TNPO3: variants seen among roughly 807,000 people sequenced by gnomAD.
TNPO3 encodes transportin-3.
TNPO3 carries 65 observed loss-of-function variants against 122.8 expected under a neutral mutation model. The observed-to-expected ratio is 0.53, with a 90% confidence interval of 0.43 to 0.65. The LOEUF is 0.65. Among genes scored for constraint, TNPO3 ranks in the 30% least tolerant of loss-of-function variants. The pLI is 0.00. For missense variants in TNPO3, 850 were observed against 1,136.7 expected (o/e 0.75, Z 3.63); for synonymous variants, 372 against 411.2 (o/e 0.90, Z 1.15).
intron 1 of TNPO3, among the ~76,000 whole-genome samples, chr7:129,035,613 C>CG (rs1381151341): frequency 2.0e-5 from 3 of 151,008 alleles, no homozygotes; most frequent in South Asian, 2.1e-4. Flanking sequence ...GAGACCACGT[C>CG]GGGGGGAAAA....
intron 7 of TNPO3, among the ~76,000 whole-genome samples, chr7:128,998,822 C>A (rs566654241): frequency 2.7e-3 from 410 of 152,184 alleles, no homozygotes; most frequent in African/African-American, 9.2e-3. Flanking sequence ...GAGGTATAAA[C>A]CACTGTGCCC....
rs781272417 is a variant in TNPO3 at position 128,982,266 on chromosome 7, C to T, written c.1841G>A (p.Arg614His). The change falls in exon 14 of 23, where the codon CGC becomes CAC. Residue 614 changes from arginine to histidine, a missense_variant. Physicochemically the swap from Arg to His is conservative, Grantham distance 29 (BLOSUM62 0). Transcript: ENST00000265388. Reference sequence around the variant, plus strand: ...TTCTTACCTAAATATCACTGCAAGGCGATCTAAGAACACTGTGGGATCTGA... The same window carrying T: ...TTCTTACCTAAATATCACTGCAAGGTGATCTAAGAACACTGTGGGATCTGA... ...ISSDPTVFLD[R>H]LAVIFRHTNP... 15 of 1,612,678 alleles carry T rather than the reference C, an allele frequency of 9.3e-6. No individual in the cohort carries two copies. The highest frequency in any genetic ancestry group is 1.3e-5 in the Non-Finnish European group (15 of 1,179,190).
intron 10 of TNPO3, 74 bp from the exon 11 acceptor site, chr7:128,990,174 GAC>G: frequency 1.3e-6 from 2 of 1,484,256 alleles, no homozygotes; most frequent in East Asian, 2.3e-5. Flanking sequence ...AGGCTGTGAC[GAC>G]ACACAGCATT....
chr7:128,976,896 C>T (rs1026618125), intron 16 of TNPO3, among the ~76,000 whole-genome samples: 1 of 152,194 alleles, frequency 6.6e-6, no homozygotes, highest in Non-Finnish European at 1.5e-5. Context: ...ATATGCTCTA[C>T]TAAGGAATGA....
At chr7:128,991,006 A>T (rs77328378) in intron 10 of TNPO3, among the ~76,000 whole-genome samples, 1,533 of 152,322 alleles carry the variant, frequency 0.01, 20 homozygotes, top group African/African-American at 0.035. Flanking sequence ...CTCATTTATG[A>T]CTTATGTTTC....
At chr7:129,014,122 A>C (rs955677374) in intron 4 of TNPO3, among the ~76,000 whole-genome samples, 2 of 152,208 alleles carry the variant, frequency 1.3e-5, no homozygotes, top group Admixed American at 1.3e-4. Context: ...GAGAAGATTT[A>C]GAATGTTCCC....
At chr7:128,975,078 G>A (rs1798921210) in intron 17 of TNPO3, 116 bp from the exon 18 acceptor site, 3 of 749,530 alleles carry the variant, frequency 4.0e-6, no homozygotes, top group South Asian at 1.8e-5. Context: ...AAGCACAGCT[G>A]GGAAAAGAAA....
rs1806320347 is a variant in TNPO3 at position 129,034,414 on chromosome 7, G to A, written c.121-16257C>T. ...GGTGTGGGCAGGAACACTGAGGTGG[G>A]AGTACTGCTTGAGCCCAGGATGCAG... On this transcript the variant is annotated intron_variant, in intron 1 of 22. Coordinates refer to ENST00000265388, the MANE Select transcript of TNPO3 (RefSeq NM_012470.4). 3.3e-5 allele frequency among the ~76,000 whole-genome samples: 5 copies of A among 152,052 alleles called. 1 individual carries two copies. Among genetic ancestry groups the A allele is most frequent in the Admixed American group, 2.6e-4 (4 of 15,272 alleles).
intron 14 of TNPO3, among the ~76,000 whole-genome samples, 183 bp downstream of exon 14, chr7:128,982,065 A>G (rs1330537969): frequency 6.6e-6 from 1 of 152,200 alleles, no homozygotes; most frequent in African/African-American, 2.4e-5. Flanking sequence ...ACAAAGACCT[A>G]CCAGGAATGA....
chr7:128,985,165 TA>T (rs907085360), intron 12 of TNPO3, among the ~76,000 whole-genome samples: 3 of 152,172 alleles, frequency 2.0e-5, no homozygotes, highest in African/African-American at 4.8e-5. Context: ...AAATTTGAAT[TA>T]AAAAAACAGA....
intron 8 of TNPO3, among the ~76,000 whole-genome samples, chr7:128,995,877 T>C (rs950526858): frequency 6.6e-6 from 1 of 152,230 alleles, no homozygotes; most frequent in Non-Finnish European, 1.5e-5. Flanking sequence ...TTTTGTATTT[T>C]TAGTAGAGAC....
intron 1 of TNPO3, 53 bp downstream of exon 1, chr7:129,054,598 G>A: frequency 6.2e-7 from 1 of 1,606,454 alleles, no homozygotes; most frequent in Non-Finnish European, 8.5e-7. Context: ...CGGAGCCTAG[G>A]TTCCACCCCG....
rs1300624344 is a variant in TNPO3, at chr7:129,028,431, C to T, written c.121-10274G>A. ...AAGAAAAAAGGTCTCAAATCAACAACCTAATTTTATGCCTTAAGGAGCCAT... is the reference window on the plus strand; with the variant it reads ...AAGAAAAAAGGTCTCAAATCAACAATCTAATTTTATGCCTTAAGGAGCCAT... On this transcript the variant is annotated intron_variant, in intron 1 of 22. Coordinates refer to ENST00000265388, the MANE Select transcript of TNPO3 (RefSeq NM_012470.4). 2.6e-5 allele frequency among the ~76,000 whole-genome samples: 4 copies of T among 151,914 alleles called. No individual in the cohort carries two copies. The East Asian group carries it at 7.7e-4, about 29-fold the overall frequency.
intron 1 of TNPO3, among the ~76,000 whole-genome samples, chr7:129,049,165 TAA>T (rs1198130458): frequency 6.6e-6 from 1 of 152,072 alleles, no homozygotes; most frequent in African/African-American, 2.4e-5. Context: ...GAGAAGAAAG[TAA>T]AGTTGGGCAA....
chr7:129,020,421 T>C (rs775658716), intron 1 of TNPO3, among the ~76,000 whole-genome samples: 47 of 152,272 alleles, frequency 3.1e-4, no homozygotes, highest in Non-Finnish European at 6.0e-4. Context: ...AGAATATCTT[T>C]ACTTTGCTCA....
intron 1 of TNPO3, among the ~76,000 whole-genome samples, chr7:129,054,358 A>C (rs913875186): frequency 1.3e-5 from 2 of 152,206 alleles, no homozygotes; most frequent in Non-Finnish European, 2.9e-5. Context: ...CGGCCCAAGA[A>C]GCAACGGCAA....
intron 18 of TNPO3, among the ~76,000 whole-genome samples, chr7:128,974,391 A>G (rs1160942134): frequency 6.6e-6 from 1 of 150,668 alleles, no homozygotes; most frequent in Non-Finnish European, 1.5e-5. Flanking sequence ...TCATATTATC[A>G]GTGCTACTGA....
At chr7:128,997,668 C>G in intron 7 of TNPO3, 133 bp from the exon 8 acceptor site, 1 of 762,276 alleles carries the variant, frequency 1.3e-6, no homozygotes, top group Non-Finnish European at 2.0e-6. Flanking sequence ...TAAGAAGTCA[C>G]CTTTTCTCTA....
chr7:128,962,526 CA>C (rs1312375090), intron 21 of TNPO3, among the ~76,000 whole-genome samples: 5 of 152,264 alleles, frequency 3.3e-5, no homozygotes, highest in African/African-American at 1.2e-4. Context: ...ACCTTAAAAT[CA>C]AAAGGGAGAC....
Sources: allele counts gnomAD v4.1 joint callset (sites outside exome capture counted in the v4.1 genomes callset), GRCh38; gene constraint gnomAD v4.1.1; transcripts MANE v1.5; gene names NCBI Gene and HGNC (gene_info 2026-07-23, HGNC 2026-07-21).